The following TFDP1 variants were observed in gnomAD, a reference collection of about 807,000 sequenced individuals.
TFDP1 encodes DRTF1-polypeptide 1.
In TFDP1, 6 loss-of-function variants were observed where a neutral mutation model predicts 48.0. The observed-to-expected ratio is 0.13, with a 90% CI of 0.07 to 0.25. The LOEUF (loss-of-function observed/expected upper bound fraction) is 0.25. Ranked by LOEUF, TFDP1 falls within the 10% of genes least tolerant of loss-of-function variation. TFDP1 has a pLI of 1.00. For synonymous variants in TFDP1, 201 were observed against 211.6 expected (o/e 0.95, Z 0.44); for missense variants, 335 against 543.0 (o/e 0.62, Z 3.81).
intron 2 of TFDP1, among the ~76,000 whole-genome samples, chr13:113,599,474 C>T (rs182311151): frequency 2.6e-4 from 39 of 152,344 alleles, no homozygotes; most frequent in Non-Finnish European, 1.2e-4. Context: ...AGTCTGGTCT[C>T]GCTGATGCGC....
At chr13:113,597,661 CAA>C in intron 2 of TFDP1, among the ~76,000 whole-genome samples, 1 of 152,310 alleles carries the variant, frequency 6.6e-6, no homozygotes, top group East Asian at 1.9e-4. Context: ...TGGATGGATT[CAA>C]AAGAGTGAAC....
chr13:113,617,412 A>G (rs12872069), intron 3 of TFDP1, among the ~76,000 whole-genome samples: 9,053 of 151,412 alleles, frequency 0.06, 787 homozygotes, highest in African/African-American at 0.19. Context: ...AGCCAGTCAC[A>G]GAGGCACTCA....
intron 7 of TFDP1, 96 bp downstream of exon 7, chr13:113,634,129 T>C: frequency 1.3e-6 from 2 of 1,540,950 alleles, no homozygotes; most frequent in East Asian, 2.2e-5. Context: ...CTCCGTGCCC[T>C]TATGCTCTCT....
intron 2 of TFDP1, among the ~76,000 whole-genome samples, chr13:113,595,812 G>C (rs528840261): frequency 1.2e-3 from 189 of 152,382 alleles, no homozygotes; most frequent in African/African-American, 4.3e-3. Flanking sequence ...GCCGGGTGCG[G>C]TGGCTCACGC....
In TFDP1 at chr13:113,623,031, G is replaced by A; in HGVS notation, c.80-149G>A. Reference sequence around the variant, plus strand: ...ATTGGGAATCAAGCTTCATGGAGGTGTTGCTCTTGAGCCCTGGATTTGAGA... The same window carrying A: ...ATTGGGAATCAAGCTTCATGGAGGTATTGCTCTTGAGCCCTGGATTTGAGA... On this transcript the variant is annotated intron_variant, in intron 3 of 11. Transcript: ENST00000375370. This position sits in a 1 kb window ranked among gnomAD's most constrained non-coding sequence, Gnocchi z 5.2. 4.2e-6 allele frequency: 3 copies of A among 706,272 alleles called. No individual in the cohort carries two copies. Among genetic ancestry groups the A allele is most frequent in the Non-Finnish European group, 7.1e-6 (3 of 423,324 alleles). The allele number at this position is 706,272 out of a possible 1,614,324, so 43.8% of individuals were successfully genotyped here. A position where few individuals can be genotyped will look rare whatever the true frequency, so the allele number is the denominator to read the frequency against.
At chr13:113,620,010 GA>G (rs1156840165) in intron 3 of TFDP1, among the ~76,000 whole-genome samples, 5 of 152,332 alleles carry the variant, frequency 3.3e-5, no homozygotes, top group Admixed American at 1.3e-4. Context: ...CCAGAGGAGG[GA>G]CCCTCTTCCC....
chr13:113,594,457 C>G (rs1429971298), intron 2 of TFDP1, among the ~76,000 whole-genome samples: 3 of 129,812 alleles, frequency 2.3e-5, no homozygotes, highest in African/African-American at 1.1e-4. Flanking sequence ...GACAGGTGTG[C>G]TGTGTGCTGA....
intron 5 of TFDP1, 59 bp downstream of exon 5, chr13:113,631,803 C>G: frequency 1.9e-6 from 3 of 1,598,176 alleles, no homozygotes; most frequent in Non-Finnish European, 2.6e-6. Flanking sequence ...CGCACCTCCA[C>G]GTTCTCCTGG....
rs1306694103 is a variant in TFDP1 at position 113,633,302 on chromosome 13, G to A, written c.474+17G>A. ...AACGAGTCAGTAAGTGTGTGCCGGG[G>A]GCCGAGAGGCTGGGGTGGCGGAGCC... is the stretch of plus-strand genomic sequence containing the variant. On this transcript the variant is annotated intron_variant, in intron 6 of 11. Coordinates refer to ENST00000375370, the MANE Select transcript of TFDP1 (RefSeq NM_007111.5). This position sits in a 1 kb window ranked among gnomAD's most constrained non-coding sequence, Gnocchi z 4.5. 2 of 1,607,728 alleles carry A rather than the reference G, an allele frequency of 1.2e-6. No homozygotes were observed. Among genetic ancestry groups the A allele is most frequent in the Non-Finnish European group, 1.7e-6 (2 of 1,175,248 alleles).
At chr13:113,616,530 A>G (rs1276121381) in intron 3 of TFDP1, among the ~76,000 whole-genome samples, 1 of 152,208 alleles carries the variant, frequency 6.6e-6, no homozygotes, top group Admixed American at 6.5e-5. Context: ...TGCCCAGCAC[A>G]TGTGGCCATT....
Position 113,631,717 on chromosome 13 carries a change from C to T in TFDP1, c.281C>T (p.Pro94Leu), listed in dbSNP as rs781665340. 2.5e-6 allele frequency: 4 copies of T among 1,614,066 alleles called. No homozygotes were observed. Among genetic ancestry groups the T allele is most frequent in the Non-Finnish European group, 3.4e-6 (4 of 1,180,034 alleles). ...PSTHFASQNQ[P>L]SDSSPWSAGK... ...ACTCACTTTGCCTCTCAGAACCAGCCTTCCGACTCCTCACCTTGGTCTGCC... is the reference window on the plus strand; with the variant it reads ...ACTCACTTTGCCTCTCAGAACCAGCTTTCCGACTCCTCACCTTGGTCTGCC... The change falls in exon 5 of 12, where the codon CCT (proline) becomes CTT (leucine). Residue 94 changes from proline (P) to leucine (L), a missense_variant. This residue lies in a region of TFDP1 where 103 missense variants were observed against 140.4 expected (regional missense o/e 0.73). Transcript: ENST00000375370.
intron 3 of TFDP1, among the ~76,000 whole-genome samples, chr13:113,616,116 T>C (rs1226259293): frequency 6.7e-6 from 1 of 150,344 alleles, no homozygotes; most frequent in Non-Finnish European, 1.5e-5. Flanking sequence ...GGCAGGAGAA[T>C]CACTTGAACC....
intron 2 of TFDP1, among the ~76,000 whole-genome samples, chr13:113,590,545 A>G (rs2048114300): frequency 6.6e-6 from 1 of 152,210 alleles, no homozygotes. Flanking sequence ...ATAAAGAAAC[A>G]ACTTTACATT....
At chr13:113,613,517 A>G (rs911604875) in intron 3 of TFDP1, among the ~76,000 whole-genome samples, 6 of 152,112 alleles carry the variant, frequency 3.9e-5, no homozygotes, top group South Asian at 2.1e-4. Flanking sequence ...GTCTGTGTCA[A>G]TATGTGTGCA....
At position 113,593,709 on chromosome 13, in the gene TFDP1, C is replaced by T. The variant is rs547125941; in HGVS notation, c.12+7860C>T. 4.4e-3 allele frequency among the ~76,000 whole-genome samples: 381 copies of T among 86,730 alleles called. 3 individuals carry two copies. Among genetic ancestry groups the T allele is most frequent in the African/African-American group, 0.015 (333 of 21,920 alleles). The allele number at this position is 86,730 out of a possible 152,430, so 56.9% of individuals were successfully genotyped here. On this transcript the variant is annotated intron_variant, in intron 2 of 11. Transcript: ENST00000375370. ...GTGCCCAGGTGACAGGTGTGGTGTA[C>T]GTGGGTCCTCAGCCCTGCCCAGGTG...
chr13:113,605,968 G>A (rs2048557039), intron 2 of TFDP1, among the ~76,000 whole-genome samples: 2 of 149,258 alleles, frequency 1.3e-5, no homozygotes, highest in South Asian at 4.2e-4. Flanking sequence ...GTCCGCAGGG[G>A]ATCCTGTGGG....
chr13:113,591,720 T>G (rs2048151283), intron 2 of TFDP1, among the ~76,000 whole-genome samples: 1 of 152,246 alleles, frequency 6.6e-6, no homozygotes, highest in Non-Finnish European at 1.5e-5. Context: ...CATAAGAGAC[T>G]AGATTTGTCA....
At chr13:113,603,722 A>G (rs2048496704) in intron 2 of TFDP1, among the ~76,000 whole-genome samples, 2 of 152,190 alleles carry the variant, frequency 1.3e-5, no homozygotes, top group African/African-American at 2.4e-5. Flanking sequence ...TAGTTTTTCT[A>G]ATAGAAATTA....
At chr13:113,606,547 G>A (rs2048575972) in intron 2 of TFDP1, among the ~76,000 whole-genome samples, 1 of 152,090 alleles carries the variant, frequency 6.6e-6, no homozygotes, top group Non-Finnish European at 1.5e-5. Flanking sequence ...TCCCAAGCAG[G>A]ATTAGGAGGA....
Sources: allele counts gnomAD v4.1 joint callset (sites outside exome capture counted in the v4.1 genomes callset), GRCh38; gene constraint gnomAD v4.1.1; regional missense constraint gnomAD v4.1.1; non-coding constraint Gnocchi (gnomAD v3.1); transcripts MANE v1.5; gene names NCBI Gene and HGNC (gene_info 2026-07-23, HGNC 2026-07-21).